Variants in DDX39A observed in about 807,000 individuals in gnomAD.
The protein encoded by DDX39A is DExD-box helicase 39A, also known as ATP-dependent RNA helicase DDX39A.
A neutral mutation model predicts 46.3 loss-of-function variants in DDX39A; 13 were observed. That is an observed-to-expected ratio of 0.28 (90% CI 0.18 to 0.45). The LOEUF (loss-of-function observed/expected upper bound fraction) is 0.45. Among genes scored for constraint, DDX39A ranks in the 20% least tolerant of loss-of-function variants. The probability of loss-of-function intolerance (pLI) is 1.00; values close to 1 mark genes in which losing one functional copy is unlikely to be tolerated. For missense variants in DDX39A, 352 were observed against 581.8 expected, an observed-to-expected ratio of 0.61 and a Z score of 4.06; for synonymous variants, 234 against 224.6, an observed-to-expected ratio of 1.04 and a Z score of -0.38.
In DDX39A at chr19:14,408,928, C is replaced by T. The variant is rs150156465; in HGVS notation, c.*8G>A. The T allele has an allele frequency of 8.7e-4, 1,388 of 1,587,726 alleles. 9 individuals are homozygous for T. In the African/African-American group the frequency reaches 0.016, roughly 18 times the overall value. On this transcript the variant is annotated 3_prime_UTR_variant, in exon 11 of 11. Coordinates refer to ENST00000242776, the MANE Select transcript of DDX39A (RefSeq NM_005804.4). ...CGGCTCCGGGTGGGCGGCTCTGGCA[C>T]GTGGTGGTTACCGGCTCTGCTCGAC...
rs565865777 is a variant in DDX39A, at chr19:14,411,927, G to A, written c.337-329C>T. 2.0e-4 allele frequency among the ~76,000 whole-genome samples: 30 copies of A among 152,246 alleles called. 1 individual carries two copies. The highest frequency in any genetic ancestry group is 1.6e-3 in the Admixed American group (24 of 15,282). On this transcript the variant is annotated intron_variant, in intron 3 of 10. Transcript: ENST00000242776. The surrounding 1 kb of genome is among the most constrained non-coding windows in gnomAD (Gnocchi z 4.1). ...GCTCTCTAAGGATTTCCTGAATCTCGGCACTCGGGCGGCCCCGGTCTTCCC... is the reference window on the plus strand; with the variant it reads ...GCTCTCTAAGGATTTCCTGAATCTCAGCACTCGGGCGGCCCCGGTCTTCCC...
chr19:14,412,091 C>A lies in DDX39A; in HGVS notation c.336+460G>T, dbSNP rs975385689. 2.6e-5 allele frequency among the ~76,000 whole-genome samples: 4 copies of A among 152,188 alleles called. No homozygotes were observed. Among genetic ancestry groups the A allele is most frequent in the African/African-American group, 9.7e-5 (4 of 41,428 alleles). On this transcript the variant is annotated intron_variant, in intron 3 of 10. Coordinates refer to ENST00000242776, the MANE Select transcript of DDX39A (RefSeq NM_005804.4). The surrounding 1 kb of genome is among the most constrained non-coding windows in gnomAD (Gnocchi z 4.4). The stretch of plus-strand genomic sequence containing the variant: ...CACCTGGCCTGACTCGGGAGCAAGA[C>A]ACCAGAATTCACTGAAGTGTCTCCC...
chr19:14,414,321 CTGTTT>C, intron 1 of DDX39A, among the ~76,000 whole-genome samples: 1 of 139,462 alleles, frequency 7.2e-6, no homozygotes, highest in African/African-American at 2.7e-5. Flanking sequence ...CTGCTATCAC[CTGTTT>C]TATTATTATT....
chr19:14,418,860 G>A (rs1015399111), intron 1 of DDX39A: 6 of 455,040 alleles, frequency 1.3e-5, no homozygotes, highest in South Asian at 4.7e-5. Context: ...AAGTCCCTCG[G>A]ACCCAAAGAA....
At chr19:14,414,329 TTATTATTA>T (rs1568329216) in intron 1 of DDX39A, among the ~76,000 whole-genome samples, 70 of 37,410 alleles carry the variant, frequency 1.9e-3, no homozygotes, top group African/African-American at 5.8e-3. Context: ...ACCTGTTTTA[TTATTATTA>T]TTATTATTAT....
intron 1 of DDX39A, 144 bp downstream of exon 1, chr19:14,419,126 G>C (rs922793508): frequency 2.7e-6 from 1 of 375,358 alleles, no homozygotes; most frequent in African/African-American, 2.2e-5. Flanking sequence ...AACACACAGC[G>C]CTCTGACACA....
rs756591753 is a variant in DDX39A, at chr19:14,412,508, C to T, written c.336+43G>A. ...CCCATCCAGCCTACTCTACTTCCGC[C>T]GCCACAGGCAGGGTGGGGCCAGGAA... On this transcript the variant is annotated intron_variant, in intron 3 of 10. Transcript: ENST00000242776. The surrounding 1 kb of genome is among the most constrained non-coding windows in gnomAD (Gnocchi z 4.4). 108 of 1,587,086 alleles carry T rather than the reference C, an allele frequency of 6.8e-5. No homozygotes were observed. Among genetic ancestry groups the T allele is most frequent in the Non-Finnish European group, 8.9e-5 (104 of 1,171,062 alleles).
chr19:14,410,148 G>A lies in DDX39A; in HGVS notation c.732+68C>T, dbSNP rs373772693. 1.7e-5 allele frequency: 24 copies of A among 1,375,230 alleles called. No homozygotes were observed. The highest frequency in any genetic ancestry group is 6.9e-5 in the East Asian group (3 of 43,702). The allele number at this position is 1,375,230 out of a possible 1,614,324, so 85.2% of individuals were successfully genotyped here. A position where few individuals can be genotyped will look rare whatever the true frequency, so the allele number is the denominator to read the frequency against. On this transcript the variant is annotated intron_variant, in intron 6 of 10. Transcript: ENST00000242776. The surrounding 1 kb of genome is among the most constrained non-coding windows in gnomAD (Gnocchi z 4.3). ...ATCCTCCGTGCCATGTGGGCCGTGC[G>A]GGTGTCCTGGGGCCCCAGGCTCCAG...
chr19:14,410,919 G>A lies in DDX39A; in HGVS notation c.613+70C>T. The A allele has an allele frequency of 7.0e-7, 1 of 1,422,890 alleles. No individual in the cohort carries two copies. The highest frequency in any genetic ancestry group is 9.3e-7 in the Non-Finnish European group (1 of 1,070,636). The allele number at this position is 1,422,890 out of a possible 1,614,324, so 88.1% of individuals were successfully genotyped here. ...GGCCGCCCATGTAACCCACTCAAGA[G>A]CCTTCCGCCTGCTATGGGGCCCGCC... On this transcript the variant is annotated intron_variant, in intron 5 of 10. Coordinates refer to ENST00000242776, the MANE Select transcript of DDX39A (RefSeq NM_005804.4). The surrounding 1 kb of genome is among the most constrained non-coding windows in gnomAD (Gnocchi z 4.3).
At position 14,410,239 on chromosome 19, in the gene DDX39A, C is replaced by A. The variant is rs958199625; in HGVS notation, c.709G>T (p.Val237Leu). ...SATLSKDIRP[V>L]CRKFMQDPME... is the part of the protein sequence containing the mutation. ...ACATCCTGCATGAACTTCCTGCACACAGGCCGGATGTCCTTGCTCAGGGTG... is the reference window on the plus strand; with the variant it reads ...ACATCCTGCATGAACTTCCTGCACAAAGGCCGGATGTCCTTGCTCAGGGTG... Residue 237 changes from valine to leucine, a missense_variant, in exon 6 of 11, where the codon GTG (valine) becomes TTG (leucine). Val to Leu is a conservative substitution (Grantham distance 32). Around this residue, in one of 3 missense-constraint regions of DDX39A, gnomAD observed 301 missense variants for 469.9 expected, o/e 0.64. Coordinates refer to ENST00000242776, the MANE Select transcript of DDX39A (RefSeq NM_005804.4). This position sits in a 1 kb window ranked among gnomAD's most constrained non-coding sequence, Gnocchi z 4.3. The A allele has an allele frequency of 1.2e-6, 2 of 1,614,162 alleles. No individual in the cohort carries two copies. The highest frequency in any genetic ancestry group is 4.5e-5 in the East Asian group (2 of 44,884).
Position 14,411,571 on chromosome 19 carries a change from T to G in DDX39A, c.364A>C (p.Arg122=). 6.2e-7 allele frequency: 1 copy of G among 1,614,096 alleles called. No homozygotes were observed. The highest frequency in any genetic ancestry group is 1.1e-5 in the South Asian group (1 of 91,088). Residue 122 remains arginine, a synonymous_variant, in exon 4 of 11, where the codon AGG becomes CGG. Coordinates refer to ENST00000242776, the MANE Select transcript of DDX39A (RefSeq NM_005804.4). The surrounding 1 kb of genome is among the most constrained non-coding windows in gnomAD (Gnocchi z 4.1). The part of the protein sequence containing the change: ...QVTVLVMCHT[R]ELAFQISKEY... ...TTGCTGATCTGGAAGGCCAGCTCCC[T>G]CGTGTGGCACATGACCAGGACCGTC...
intron 1 of DDX39A, 156 bp downstream of exon 1, chr19:14,419,114 C>CCAA: frequency 5.0e-6 from 2 of 400,840 alleles, no homozygotes; most frequent in Non-Finnish European, 9.9e-6. Flanking sequence ...TGCCCAACGG[C>CCAA]CAACACACAG....
At chr19:14,414,031 A>T (rs1408471149) in intron 1 of DDX39A, 1 of 152,038 alleles carries the variant, frequency 6.6e-6, no homozygotes, top group African/African-American at 2.4e-5. Context: ...GGTGCAAGGG[A>T]CCCAAACATG....
chr19:14,409,995 C>T lies in DDX39A; in HGVS notation c.733-122G>A, dbSNP rs1976501434. ...TTCCCAGAGGACCTGCTGCACCAGA[C>T]CTCAGTAAACATCGCTCAAAAGCTG... is the stretch of plus-strand genomic sequence containing the variant. On this transcript the variant is annotated intron_variant, in intron 6 of 10. Coordinates refer to ENST00000242776, the MANE Select transcript of DDX39A (RefSeq NM_005804.4). This position sits in a 1 kb window ranked among gnomAD's most constrained non-coding sequence, Gnocchi z 8.3. 7.7e-7 allele frequency: 1 copy of T among 1,297,538 alleles called. No homozygotes were observed. Among genetic ancestry groups the T allele is most frequent in the Non-Finnish European group, 1.1e-6 (1 of 904,544 alleles). The allele number at this position is 1,297,538 out of a possible 1,614,324, so 80.4% of individuals were successfully genotyped here.
At position 14,408,869 on chromosome 19, in the gene DDX39A, G is replaced by C. The variant is rs1442651549; in HGVS notation, c.*67C>G. On this transcript the variant is annotated 3_prime_UTR_variant, in exon 11 of 11. Coordinates refer to ENST00000242776, the MANE Select transcript of DDX39A (RefSeq NM_005804.4). ...TACAATCTCTAGCTTCTCAACAGTGGCGCCTGGAAAGGGGAGGTGAAGCTG... is the reference window on the plus strand; with the variant it reads ...TACAATCTCTAGCTTCTCAACAGTGCCGCCTGGAAAGGGGAGGTGAAGCTG... 1.3e-6 allele frequency: 2 copies of C among 1,526,534 alleles called. No homozygotes were observed. Among genetic ancestry groups the C allele is most frequent in the East Asian group, 4.5e-5 (2 of 44,086 alleles). The allele number at this position is 1,526,534 out of a possible 1,614,324, so 94.6% of individuals were successfully genotyped here. A position where few individuals can be genotyped will look rare whatever the true frequency, so the allele number is the denominator to read the frequency against.
chr19:14,408,930 TGG>T lies in DDX39A; in HGVS notation c.*4_*5del. On this transcript the variant is annotated 3_prime_UTR_variant, in exon 11 of 11. Coordinates refer to ENST00000242776, the MANE Select transcript of DDX39A (RefSeq NM_005804.4). ...GCTCCGGGTGGGCGGCTCTGGCACG[TGG>T]TGGTTACCGGCTCTGCTCGACTGTA... The T allele has an allele frequency of 3.1e-6, 5 of 1,587,608 alleles. No homozygotes were observed. Among genetic ancestry groups the T allele is most frequent in the Non-Finnish European group, 4.3e-6 (5 of 1,164,298 alleles).
Position 14,410,841 on chromosome 19 carries a change from C to A in DDX39A, c.613+148G>T. 1 of 744,606 alleles carries A rather than the reference C, an allele frequency of 1.3e-6. No individual in the cohort carries two copies. Among genetic ancestry groups the A allele is most frequent in the Non-Finnish European group, 2.1e-6 (1 of 481,640 alleles). 46.1% of individuals were successfully genotyped at this position (744,606 alleles called of 1,614,324 possible). On this transcript the variant is annotated intron_variant, in intron 5 of 10. Transcript: ENST00000242776. This position sits in a 1 kb window ranked among gnomAD's most constrained non-coding sequence, Gnocchi z 4.3. ...GGCTCGGGCTCAGAAACAGCACATCCCTCTGCCAGCAGCAGAGCTTTCCCC... is the reference window on the plus strand; with the variant it reads ...GGCTCGGGCTCAGAAACAGCACATCACTCTGCCAGCAGCAGAGCTTTCCCC...
In DDX39A at chr19:14,419,253, CG is replaced by C; in HGVS notation, c.-5+16del. 3.6e-6 allele frequency: 1 copy of C among 278,294 alleles called. No homozygotes were observed. 17.2% of individuals were successfully genotyped at this position (278,294 alleles called of 1,614,324 possible). ...CGTCCCCACACCGCGGCCCCGCGCC[CG>C]GGATCCGCTGCTCACCTGGCTCCCC... On this transcript the variant is annotated intron_variant, in intron 1 of 10. Transcript: ENST00000242776.
intron 1 of DDX39A, among the ~76,000 whole-genome samples, chr19:14,416,981 C>A (rs1378629811): frequency 6.6e-6 from 1 of 152,178 alleles, no homozygotes; most frequent in Non-Finnish European, 1.5e-5. Flanking sequence ...CCCACCACGC[C>A]CAGCCTGGGC....
Sources: gnomAD v4.1 joint callset for allele counts (sites outside exome capture counted in the v4.1 genomes callset) on GRCh38, gnomAD v4.1.1 for gene constraint, gnomAD v4.1.1 regional missense constraint, Gnocchi (gnomAD v3.1) non-coding constraint, MANE v1.5 for transcripts, NCBI Gene and HGNC (gene_info 2026-07-23, HGNC 2026-07-21) for gene names.